The following TTC39C variants were observed in gnomAD, a reference collection of about 807,000 sequenced individuals.
TTC39C encodes tetratricopeptide repeat domain 39C.
Under a neutral mutation model 76.3 loss-of-function variants are expected in TTC39C, and 33 were observed. The ratio of observed to expected loss-of-function variants is 0.43; its 90% confidence interval spans 0.33 to 0.58. The LOEUF (loss-of-function observed/expected upper bound fraction) is 0.58, where lower values mean the gene tolerates loss of function less well. Among genes scored for constraint, TTC39C ranks in the 20% least tolerant of loss-of-function variants. TTC39C has a pLI of 0.04. For synonymous variants in TTC39C, 254 were observed against 260.6 expected (o/e 0.97, Z 0.24); for missense variants, 595 against 701.4 (o/e 0.85, Z 1.71).
intron 2 of TTC39C, 22 bp downstream of exon 2, chr18:24,064,210 T>A (rs2084137359): frequency 6.2e-6 from 10 of 1,612,550 alleles, no homozygotes; most frequent in Non-Finnish European, 7.6e-6. Context: ...TCTTAAGACC[T>A]ATTGGCATGA....
chr18:24,018,887 CT>C (rs2083487079), intron 1 of TTC39C, among the ~76,000 whole-genome samples: 1 of 152,120 alleles, frequency 6.6e-6, no homozygotes, highest in Non-Finnish European at 1.5e-5. Context: ...CACTTATTTT[CT>C]TCCTACCACT....
intron 8 of TTC39C, among the ~76,000 whole-genome samples, chr18:24,119,983 C>G (rs1413971942): frequency 6.9e-6 from 1 of 144,184 alleles, no homozygotes; most frequent in Non-Finnish European, 1.5e-5. Context: ...CAATATTTGG[C>G]AATCCCAGAA....
chr18:24,132,423 C>A, intron 13 of TTC39C, 62 bp from the exon 14 acceptor site: 1 of 1,457,120 alleles, frequency 6.9e-7, no homozygotes, highest in Non-Finnish European at 9.6e-7. Context: ...GTGCTTTATA[C>A]CACAGTACCC....
intron 2 of TTC39C, among the ~76,000 whole-genome samples, chr18:24,064,604 T>C (rs2084143215): frequency 6.6e-6 from 1 of 152,152 alleles, no homozygotes; most frequent in African/African-American, 2.4e-5. Flanking sequence ...CAAATATGAG[T>C]ATTTGGGAAT....
chr18:24,130,218 A>C, intron 11 of TTC39C, 95 bp from the exon 12 acceptor site: 1 of 532,424 alleles, frequency 1.9e-6, no homozygotes, highest in Non-Finnish European at 3.4e-6. Context: ...AAAACAGAGT[A>C]TGAGTCCCCC....
intron 5 of TTC39C, among the ~76,000 whole-genome samples, chr18:24,081,569 A>G (rs1240560653): frequency 1.3e-5 from 2 of 152,182 alleles, no homozygotes; most frequent in Non-Finnish European, 2.9e-5. Flanking sequence ...TACCATTTGT[A>G]ACTTGAGTAA....
chr18:24,020,397 T>C, intron 1 of TTC39C: 2 of 733,256 alleles, frequency 2.7e-6, no homozygotes, highest in Non-Finnish European at 1.7e-6. Context: ...TCTCTGTAAG[T>C]GTGTACAAGT....
At chr18:24,119,098 GTTA>G (rs1252010648) in intron 8 of TTC39C, among the ~76,000 whole-genome samples, 2 of 140,054 alleles carry the variant, frequency 1.4e-5, no homozygotes, top group East Asian at 4.2e-4. Flanking sequence ...ATTGCATATC[GTTA>G]TTAACACCTG....
chr18:24,109,158 G>A (rs1266407873), intron 6 of TTC39C, among the ~76,000 whole-genome samples: 2 of 100,430 alleles, frequency 2.0e-5, no homozygotes, highest in South Asian at 3.3e-4. Context: ...GAGAAACATA[G>A]CAAGACTCCC....
chr18:24,101,782 T>A (rs1599326599), intron 6 of TTC39C, among the ~76,000 whole-genome samples: 1 of 152,244 alleles, frequency 6.6e-6, no homozygotes, highest in East Asian at 1.9e-4. Flanking sequence ...TGTAGACTAG[T>A]GTATTCTGTA....
chr18:24,125,611 C>T (rs759918426), intron 10 of TTC39C, 61 bp downstream of exon 10: 34 of 1,587,530 alleles, frequency 2.1e-5, no homozygotes, highest in Middle Eastern at 1.7e-4. Context: ...TCTGTCAGTG[C>T]GGCATTCTTC....
intron 6 of TTC39C, among the ~76,000 whole-genome samples, chr18:24,089,350 G>A (rs755765327): frequency 6.6e-6 from 1 of 152,176 alleles, no homozygotes; most frequent in African/African-American, 2.4e-5. Context: ...GGCAATGCAG[G>A]AAGAGAAATA....
chr18:23,997,669 A>AGAAGGAAAGAAG (rs778127750), intron 1 of TTC39C, among the ~76,000 whole-genome samples: 2 of 133,016 alleles, frequency 1.5e-5, no homozygotes, highest in Admixed American at 7.5e-5. Flanking sequence ...AAAGAAAGAA[A>AGAAGGAAAGAAG]GAAAGAAAGA....
In TTC39C at chr18:24,080,840, A is replaced by G; in HGVS notation, c.716A>G (p.Lys239Arg). Residue 239 changes from lysine to arginine, a missense_variant, in exon 5 of 14, where the codon AAA becomes AGA. Lys to Arg is a conservative substitution (Grantham distance 26). Coordinates refer to ENST00000317571, the MANE Select transcript of TTC39C (RefSeq NM_001135993.2). ...CISMVPPNLL[K>R]IINLLGFPGD... The stretch of plus-strand genomic sequence containing the variant: ...TCCATGGTGCCCCCAAACCTGCTCA[A>G]AATCATCAACCTGCTGGGTTTTCCT... 1 of 1,614,130 alleles carries G rather than the reference A, an allele frequency of 6.2e-7. No individual in the cohort carries two copies.
At chr18:24,017,541 C>G (rs1214428136) in intron 1 of TTC39C, among the ~76,000 whole-genome samples, 1 of 152,154 alleles carries the variant, frequency 6.6e-6, no homozygotes, top group Non-Finnish European at 1.5e-5. Context: ...CTGCATAGTT[C>G]GAGTACAAGA....
rs1255364368 is a variant in TTC39C, at chr18:24,083,104, T to C, written c.984+23T>C. Reference sequence around the variant, plus strand: ...GAGGTACTGTACCTTCCTCATCTTTTTAAAATAAAGCCTCCGATGATCAAA... The same window carrying C: ...GAGGTACTGTACCTTCCTCATCTTTCTAAAATAAAGCCTCCGATGATCAAA... On this transcript the variant is annotated intron_variant, in intron 6 of 13. Transcript: ENST00000317571. The C allele has an allele frequency of 1.9e-6, 3 of 1,572,040 alleles. No individual in the cohort carries two copies. The South Asian group carries it at 3.5e-5, about 19-fold the overall frequency.
chr18:24,008,371 G>C (rs12966496), intron 1 of TTC39C, among the ~76,000 whole-genome samples: 87,050 of 152,132 alleles, frequency 0.57, 28,306 homozygotes, highest in Non-Finnish European at 0.75. Context: ...TCCTCCTGCA[G>C]TCAGGGGAGA....
upstream of TTC39C, chr18:24,012,886 C>T (rs1209478859): frequency 4.2e-5 from 6 of 142,510 alleles, no homozygotes; most frequent in African/African-American, 7.9e-5. Flanking sequence ...CACACACACA[C>T]GCATAAATTT....
intron 3 of TTC39C, among the ~76,000 whole-genome samples, chr18:24,068,616 A>G (rs886537524): frequency 2.0e-5 from 3 of 152,200 alleles, no homozygotes; most frequent in African/African-American, 7.2e-5. Context: ...TATGACTTAT[A>G]TTTCAAGTAG....
Sources: gnomAD v4.1 joint callset for allele counts (sites outside exome capture counted in the v4.1 genomes callset) on GRCh38, gnomAD v4.1.1 for gene constraint, MANE v1.5 for transcripts, NCBI Gene and HGNC (gene_info 2026-07-23, HGNC 2026-07-21) for gene names.